DLC1: variants seen among roughly 807,000 people sequenced by gnomAD.
The protein encoded by DLC1 is DLC1 Rho GTPase activating protein, also known as rho GTPase-activating protein 7.
DLC1 carries 54 observed loss-of-function variants against 140.3 expected under a neutral mutation model. The observed-to-expected ratio is 0.38, with a 90% CI of 0.31 to 0.48. The LOEUF (loss-of-function observed/expected upper bound fraction) is 0.48. DLC1 is among the 20% of genes least tolerant of loss of function. The pLI is 0.96. For missense variants in DLC1, 2,536 were observed against 1,907.0 expected (o/e 1.33, Z -6.14); for synonymous variants, 986 against 728.1 (o/e 1.35, Z -5.70).
At chr8:13,393,231 C>T (rs914564615) in intron 4 of DLC1, among the ~76,000 whole-genome samples, 10 of 152,132 alleles carry the variant, frequency 6.6e-5, no homozygotes, top group African/African-American at 2.4e-4. Flanking sequence ...GCAATACTGT[C>T]AAGATAATAG....
At chr8:13,581,246 G>A (rs1240080207) in intron 1 of DLC1, among the ~76,000 whole-genome samples, 1 of 152,074 alleles carries the variant, frequency 6.6e-6, no homozygotes, top group East Asian at 1.9e-4. Flanking sequence ...ATTTCCATTT[G>A]TTCAATATCA....
At chr8:13,176,547 C>T (rs188923336) in intron 5 of DLC1, among the ~76,000 whole-genome samples, 163 of 152,230 alleles carry the variant, frequency 1.1e-3, no homozygotes, top group Non-Finnish European at 1.9e-3. Flanking sequence ...CCACTGCACT[C>T]CAGCCTGGGC....
At chr8:13,089,258 A>C (rs1412953249) in intron 15 of DLC1, among the ~76,000 whole-genome samples, 1 of 131,596 alleles carries the variant, frequency 7.6e-6, no homozygotes, top group African/African-American at 3.0e-5. Flanking sequence ...ACTCCATCTC[A>C]AAAGAAAAAA....
At chr8:13,442,078 A>C (rs561119505) in intron 2 of DLC1, among the ~76,000 whole-genome samples, 1 of 152,218 alleles carries the variant, frequency 6.6e-6, no homozygotes, top group Non-Finnish European at 1.5e-5. Flanking sequence ...ATCTTTGACA[A>C]ACCTGAGAAA....
chr8:13,085,700 C>G lies in DLC1; in HGVS notation c.*111G>C, dbSNP rs1355549589. 2 of 1,503,058 alleles carry G rather than the reference C, an allele frequency of 1.3e-6. No individual in the cohort carries two copies. Among genetic ancestry groups the G allele is most frequent in the Non-Finnish European group, 9.0e-7 (1 of 1,117,166 alleles). 93.1% of individuals were successfully genotyped at this position (1,503,058 alleles called of 1,614,324 possible). A position where few individuals can be genotyped will look rare whatever the true frequency, so the allele number is the denominator to read the frequency against. Reference sequence around the variant, plus strand: ...GCTATAGTCAATTCCTACACTCCAGCTTGTAGTTTTCTTTGTTTCAGGATT... The same window carrying G: ...GCTATAGTCAATTCCTACACTCCAGGTTGTAGTTTTCTTTGTTTCAGGATT... On this transcript the variant is annotated 3_prime_UTR_variant, in exon 18 of 18. Coordinates refer to ENST00000276297, the MANE Select transcript of DLC1 (RefSeq NM_182643.3).
chr8:13,207,276 G>T (rs762864418), intron 5 of DLC1, among the ~76,000 whole-genome samples: 2 of 151,932 alleles, frequency 1.3e-5, no homozygotes, highest in Non-Finnish European at 2.9e-5. Context: ...AGACATCAAG[G>T]CATATATATT....
intron 4 of DLC1, among the ~76,000 whole-genome samples, chr8:13,372,454 C>G (rs962258325): frequency 6.6e-6 from 1 of 152,104 alleles, no homozygotes; most frequent in Admixed American, 6.5e-5. Flanking sequence ...AAGAAAATGT[C>G]CAAACAAATT....
In DLC1 at chr8:13,159,434, C is replaced by T. The variant is rs529682500; in HGVS notation, c.1349-43777G>A. On this transcript the variant is annotated intron_variant, in intron 5 of 17. Transcript: ENST00000276297. ...AAGGATCGGGAGACAGCTGCGCATT[C>T]TCACGTTCAGGTTTTTCCAAGGGTG... Among the ~76,000 whole-genome samples the T allele has an allele frequency of 5.3e-5, 8 of 152,310 alleles. No homozygotes were observed. The East Asian group carries it at 7.7e-4, about 15-fold the overall frequency.
intron 5 of DLC1, among the ~76,000 whole-genome samples, chr8:13,178,603 A>G (rs1164424689): frequency 6.6e-6 from 1 of 150,908 alleles, no homozygotes; most frequent in Non-Finnish European, 1.5e-5. Flanking sequence ...TTACTGTTCT[A>G]TATTAACTTC....
chr8:13,100,692 G>A lies in DLC1; in HGVS notation c.1645C>T (p.Arg549Trp), dbSNP rs1315547380. Reference sequence around the variant, plus strand: ...GAAAAGACATCAAACTCTTCAAGCCGGGACCACCTCTTGCTGTCCCTTTGG... The same window carrying A: ...GAAAAGACATCAAACTCTTCAAGCCAGGACCACCTCTTGCTGTCCCTTTGG... The part of the protein sequence containing the change: ...TFQRDSKRWS[R>W]LEEFDVFSPK... Residue 549 changes from arginine to tryptophan, a missense_variant, in exon 9 of 18, where the codon CGG becomes TGG. Transcript: ENST00000276297. The A allele has an allele frequency of 2.5e-6, 4 of 1,613,170 alleles. No homozygotes were observed. Among genetic ancestry groups the A allele is most frequent in the East Asian group, 2.2e-5 (1 of 44,854 alleles).
At chr8:13,394,120 G>C (rs762364609) in intron 3 of DLC1, among the ~76,000 whole-genome samples, 3 of 152,184 alleles carry the variant, frequency 2.0e-5, no homozygotes, top group African/African-American at 7.2e-5. Context: ...AATACAAAGA[G>C]AGTTCTCATT....
intron 2 of DLC1, among the ~76,000 whole-genome samples, chr8:13,427,857 T>C (rs562019096): frequency 1.3e-5 from 2 of 152,342 alleles, no homozygotes; most frequent in South Asian, 2.1e-4. Flanking sequence ...AGCTCTGGGA[T>C]GCAGGAATGA....
At chr8:13,310,332 C>T (rs973865231) in intron 4 of DLC1, among the ~76,000 whole-genome samples, 1 of 151,640 alleles carries the variant, frequency 6.6e-6, no homozygotes, top group African/African-American at 2.4e-5. Flanking sequence ...TGGCTTAATT[C>T]AGAGAAAAAT....
Position 13,499,223 on chromosome 8 carries a change from G to C in DLC1, c.849C>G (p.Ser283=). 1 of 1,614,196 alleles carries C rather than the reference G, an allele frequency of 6.2e-7. No individual in the cohort carries two copies. Among genetic ancestry groups the C allele is most frequent in the Non-Finnish European group, 8.5e-7 (1 of 1,180,030 alleles). The change falls in exon 2 of 18, where the codon TCC becomes TCG. Residue 283 remains serine (S), a synonymous_variant. Coordinates refer to ENST00000276297, the MANE Select transcript of DLC1 (RefSeq NM_182643.3). ...DFGSCLLQPP[S]CPNGMSAENG... is the part of the protein sequence containing the mutation. ...TTTCAGCTGACATTCCATTGGGGCA[G>C]GAAGGAGGCTGCAGAAGGCAGCTTC...
chr8:13,524,484 T>C (rs1802858812), intron 1 of DLC1, among the ~76,000 whole-genome samples: 1 of 152,174 alleles, frequency 6.6e-6, no homozygotes, highest in Non-Finnish European at 1.5e-5. Flanking sequence ...TTTTAAAATT[T>C]GTACCGTAAT....
intron 1 of DLC1, among the ~76,000 whole-genome samples, chr8:13,531,115 C>T (rs1803082646): frequency 6.6e-6 from 1 of 152,142 alleles, no homozygotes; most frequent in African/African-American, 2.4e-5. Flanking sequence ...GCCTAGAACT[C>T]AGGAAGAGGG....
intron 5 of DLC1, among the ~76,000 whole-genome samples, chr8:13,156,935 T>G (rs922803837): frequency 1.3e-5 from 2 of 152,204 alleles, no homozygotes; most frequent in East Asian, 3.9e-4. Context: ...GATTTTTTTT[T>G]CCGAGTATGA....
intron 15 of DLC1, among the ~76,000 whole-genome samples, chr8:13,088,995 A>G (rs1393354449): frequency 6.6e-6 from 1 of 152,156 alleles, no homozygotes; most frequent in African/African-American, 2.4e-5. Flanking sequence ...GCAGTGGCTC[A>G]TTCCTGTAAT....
intron 2 of DLC1, among the ~76,000 whole-genome samples, chr8:13,435,267 T>C (rs1839067131): frequency 6.6e-6 from 1 of 152,192 alleles, no homozygotes; most frequent in Non-Finnish European, 1.5e-5. Context: ...AAGATGTGGC[T>C]GAATGGCTGC....
Sources: gnomAD v4.1 joint callset for allele counts (sites outside exome capture counted in the v4.1 genomes callset) on GRCh38, gnomAD v4.1.1 for gene constraint, MANE v1.5 for transcripts, NCBI Gene and HGNC (gene_info 2026-07-23, HGNC 2026-07-21) for gene names.